GRID2IP: variants seen among roughly 807,000 people sequenced by gnomAD.
GRID2IP encodes Grid2 interacting protein.
Under a neutral mutation model 114.3 loss-of-function variants are expected in GRID2IP, and 78 were observed. The observed-to-expected ratio is 0.68, with a 90% CI of 0.57 to 0.82. The LOEUF (loss-of-function observed/expected upper bound fraction) is 0.82. GRID2IP is among the 40% of genes least tolerant of loss of function. The pLI is 0.00. For missense variants in GRID2IP, 1,727 were observed against 1,678.5 expected (o/e 1.03, Z -0.51); for synonymous variants, 809 against 724.0 (o/e 1.12, Z -1.89).
chr7:6,540,864 T>A (rs1426837292), intron 1 of GRID2IP, among the ~76,000 whole-genome samples: 1 of 151,748 alleles, frequency 6.6e-6, no homozygotes, highest in East Asian at 1.9e-4. Context: ...AGAGGTATCA[T>A]CTCACTCTGT....
intron 2 of GRID2IP, among the ~76,000 whole-genome samples, chr7:6,535,775 C>T (rs73344961): frequency 0.022 from 3,404 of 152,218 alleles, 128 homozygotes; most frequent in African/African-American, 0.076. Context: ...CTGTGGTCCC[C>T]TCTACTCCCT....
At chr7:6,530,571 G>GC (rs1055949557) in intron 2 of GRID2IP, among the ~76,000 whole-genome samples, 13 of 151,104 alleles carry the variant, frequency 8.6e-5, no homozygotes, top group African/African-American at 3.2e-4. Flanking sequence ...ACCGCGCCTG[G>GC]CCCCCCACCC....
intron 1 of GRID2IP, among the ~76,000 whole-genome samples, chr7:6,540,529 T>C (rs1349796078): frequency 6.6e-6 from 1 of 151,628 alleles, no homozygotes; most frequent in Non-Finnish European, 1.5e-5. Flanking sequence ...TATTTATTTA[T>C]TTATTTTTTG....
In GRID2IP at chr7:6,498,153, T is replaced by C. The variant is rs764459609; in HGVS notation, c.3475A>G (p.Lys1159Glu). The C allele has an allele frequency of 3.9e-6, 6 of 1,551,548 alleles. No homozygotes were observed. The highest frequency in any genetic ancestry group is 1.2e-5 in the South Asian group (1 of 84,056). ...TCCTCCCCAAAGAAGGCCAGCGCCT[T>C]GCCCAGCTCCTCCATGGCCTCGCGC... Reference protein sequence around the residue: ...LQREAMEELGKALAFFGEDSK... With the variant: ...LQREAMEELGEALAFFGEDSK... Residue 1159 changes from lysine to glutamate, a missense_variant, in exon 21 of 22, where the codon AAG becomes GAG. Coordinates refer to ENST00000457091, the MANE Select transcript of GRID2IP (RefSeq NM_001145118.2).
rs566864946 is a variant in GRID2IP, at chr7:6,501,327, G to A, written c.3399+454C>T. ...GATCGTGCAACTGCACTCCAGCCTG[G>A]GCAACAGAGCAAGGCTCTGTCTCAA... On this transcript the variant is annotated intron_variant, in intron 20 of 21. Transcript: ENST00000457091. Among the ~76,000 whole-genome samples the A allele has an allele frequency of 2.6e-5, 4 of 152,104 alleles. No individual in the cohort carries two copies. In the East Asian group the frequency reaches 7.7e-4, roughly 29 times the overall value.
chr7:6,549,647 G>A (rs549646673), intron 1 of GRID2IP, among the ~76,000 whole-genome samples: 9 of 152,202 alleles, frequency 5.9e-5, no homozygotes, highest in African/African-American at 2.2e-4. Context: ...GGGGAATGGA[G>A]TCTCACTCTG....
chr7:6,531,176 G>C (rs1779615561), intron 2 of GRID2IP: 1 of 482,212 alleles, frequency 2.1e-6, no homozygotes, highest in African/African-American at 2.0e-5. Context: ...GAGCGAGCGC[G>C]CCGCGACTCC....
Position 6,511,029 on chromosome 7 carries a change from C to A in GRID2IP, c.1434G>T (p.Glu478Asp). The change falls in exon 9 of 22, where the codon GAG becomes GAT. Residue 478 changes from glutamate to aspartate, a missense_variant. By Grantham distance (45) the Glu-to-Asp change is conservative. Transcript: ENST00000457091. The stretch of plus-strand genomic sequence containing the variant: ...GCTCGGACTCCAGGTCCAGCTCAGG[C>A]TCCGGCTCTGCTGTGGGACATGCAG... ...LGYTAMTAEP[E>D]PELDLESEPT... The A allele has an allele frequency of 6.8e-7, 1 of 1,460,430 alleles. No homozygotes were observed. Among genetic ancestry groups the A allele is most frequent in the Non-Finnish European group, 9.1e-7 (1 of 1,103,934 alleles). The allele number at this position is 1,460,430 out of a possible 1,614,324, so 90.5% of individuals were successfully genotyped here. A position where few individuals can be genotyped will look rare whatever the true frequency, so the allele number is the denominator to read the frequency against.
At position 6,521,984 on chromosome 7, in the gene GRID2IP, G is replaced by T; in HGVS notation, c.920-27C>A. ...TGGAAGCAAGAAGAGAGGGTGTGCC[G>T]GTCAGCTGGGCAGGGTACCACTTTG... is the stretch of plus-strand genomic sequence containing the variant. On this transcript the variant is annotated intron_variant, in intron 4 of 21. Coordinates refer to ENST00000457091, the MANE Select transcript of GRID2IP (RefSeq NM_001145118.2). This position sits in a 1 kb window ranked among gnomAD's most constrained non-coding sequence, Gnocchi z 4.1. 6.5e-7 allele frequency: 1 copy of T among 1,535,552 alleles called. No individual in the cohort carries two copies. Among genetic ancestry groups the T allele is most frequent in the South Asian group, 1.2e-5 (1 of 83,714 alleles).
chr7:6,504,697 C>A, intron 15 of GRID2IP, 96 bp downstream of exon 15: 1 of 950,712 alleles, frequency 1.1e-6, no homozygotes, highest in Non-Finnish European at 1.6e-6. Context: ...CGGGTCCCCA[C>A]CGCCTAATCT....
rs1023017289 is a variant in GRID2IP, at chr7:6,516,317, T to C, written c.1269-1788A>G. Among the ~76,000 whole-genome samples the C allele has an allele frequency of 6.6e-6, 1 of 151,976 alleles. No individual in the cohort carries two copies. Among genetic ancestry groups the C allele is most frequent in the South Asian group, 2.1e-4 (1 of 4,826 alleles). ...AGTTATACTAGAAATAGATTATAGATATGTATATGAATATTATTAATAATT... is the reference window on the plus strand; with the variant it reads ...AGTTATACTAGAAATAGATTATAGACATGTATATGAATATTATTAATAATT... On this transcript the variant is annotated intron_variant, in intron 7 of 21. Coordinates refer to ENST00000457091, the MANE Select transcript of GRID2IP (RefSeq NM_001145118.2). The surrounding 1 kb of genome is among the most constrained non-coding windows in gnomAD (Gnocchi z 4.3).
intron 16 of GRID2IP, 47 bp downstream of exon 16, chr7:6,503,444 C>T: frequency 6.9e-7 from 1 of 1,456,004 alleles, no homozygotes; most frequent in Non-Finnish European, 9.0e-7. Flanking sequence ...AGCGACAGCC[C>T]CTGTGGAGCC....
intron 2 of GRID2IP, among the ~76,000 whole-genome samples, chr7:6,537,787 T>A (rs187864482): frequency 4.5e-4 from 69 of 152,056 alleles, no homozygotes; most frequent in African/African-American, 1.6e-3. Flanking sequence ...GAGGCAGATG[T>A]TGCAGTAAGC....
At chr7:6,542,228 C>T (rs1185307737) in intron 1 of GRID2IP, among the ~76,000 whole-genome samples, 6 of 149,462 alleles carry the variant, frequency 4.0e-5, no homozygotes, top group African/African-American at 7.4e-5. Context: ...TCGCTTGAAC[C>T]CAGGAGTCGG....
chr7:6,546,492 C>A lies in GRID2IP; in HGVS notation c.429+4516G>T, dbSNP rs143623990. ...GCTGAGGCAGGAGAATTGCTTGAACCCAGGAGGCGGAGGTTGCAGTGAGCC... is the reference window on the plus strand; with the variant it reads ...GCTGAGGCAGGAGAATTGCTTGAACACAGGAGGCGGAGGTTGCAGTGAGCC... On this transcript the variant is annotated intron_variant, in intron 1 of 21. Transcript: ENST00000457091. Among the ~76,000 whole-genome samples the A allele has an allele frequency of 5.4e-3, 813 of 151,226 alleles. 5 individuals are homozygous for A. Among genetic ancestry groups the A allele is most frequent in the African/African-American group, 0.018 (761 of 41,268 alleles).
chr7:6,525,495 C>T (rs902258064), intron 4 of GRID2IP, among the ~76,000 whole-genome samples: 36 of 151,908 alleles, frequency 2.4e-4, no homozygotes, highest in African/African-American at 8.7e-4. Context: ...TGGTGGCGTG[C>T]GCCTGTGGTC....
In GRID2IP at chr7:6,503,532, C is replaced by A. The variant is rs1412368637; in HGVS notation, c.2866G>T (p.Ala956Ser). ...EEQRYQAFREAPGRLSEPDQF... is the reference protein window; with the variant it reads ...EEQRYQAFRESPGRLSEPDQF... ...TCCGGCTCGCTGAGGCGGCCGGGCG[C>A]CTCGCGGAAGGCCTGGTAGCGCTGC... The change falls in exon 16 of 22, where the codon GCG becomes TCG. Residue 956 changes from alanine to serine, a missense_variant. Physicochemically the swap from Ala to Ser is moderately conservative, Grantham distance 99 (BLOSUM62 1). Transcript: ENST00000457091. 2.6e-6 allele frequency: 4 copies of A among 1,526,198 alleles called. No homozygotes were observed. Among genetic ancestry groups the A allele is most frequent in the Non-Finnish European group, 2.6e-6 (3 of 1,143,314 alleles). The allele number at this position is 1,526,198 out of a possible 1,614,324, so 94.5% of individuals were successfully genotyped here.
intron 2 of GRID2IP, among the ~76,000 whole-genome samples, chr7:6,538,179 C>A (rs1779757949): frequency 1.3e-5 from 2 of 152,034 alleles, no homozygotes; most frequent in Non-Finnish European, 2.9e-5. Context: ...CCAGCCTGGA[C>A]AACATGGCGA....
Position 6,497,800 on chromosome 7 carries a change from C to T in GRID2IP, c.3610G>A (p.Gly1204Arg), listed in dbSNP as rs574381220. Residue 1204 changes from glycine to arginine, a missense_variant, in exon 22 of 22, where the codon GGG becomes AGG. Coordinates refer to ENST00000457091, the MANE Select transcript of GRID2IP (RefSeq NM_001145118.2). ...LQAGEGLRSS[G>R]MVSPLAW ...CACCAGGCCAGGGGTGAAACCATCC[C>T]GGAGCTGCGCAGGCCCTCCCCGGCC... 1.1e-4 allele frequency: 170 copies of T among 1,550,290 alleles called. No individual in the cohort carries two copies. The highest frequency in any genetic ancestry group is 1.4e-4 in the Non-Finnish European group (158 of 1,146,840).
Sources: gnomAD v4.1 joint callset for allele counts (sites outside exome capture counted in the v4.1 genomes callset) on GRCh38, gnomAD v4.1.1 for gene constraint, Gnocchi (gnomAD v3.1) non-coding constraint, MANE v1.5 for transcripts, NCBI Gene and HGNC (gene_info 2026-07-23, HGNC 2026-07-21) for gene names.